The following TACC2 variants were observed in gnomAD, a reference collection of about 807,000 sequenced individuals.
The protein encoded by TACC2 is transforming acidic coiled-coil containing protein 2.
Under a neutral mutation model 227.3 loss-of-function variants are expected in TACC2, and 137 were observed. The ratio of observed to expected loss-of-function variants is 0.60; its 90% CI spans 0.52 to 0.69. The LOEUF (loss-of-function observed/expected upper bound fraction) is 0.69, where lower values mean the gene tolerates loss of function less well. Ranked by LOEUF, TACC2 falls within the 30% of genes least tolerant of loss-of-function variation. The pLI is 0.00. For synonymous variants in TACC2, 1,523 were observed against 1,487.5 expected, an observed-to-expected ratio of 1.02 and a Z score of -0.55; for missense variants, 3,470 against 3,694.4, an observed-to-expected ratio of 0.94 and a Z score of 1.57.
chr10:122,253,339 C>T (rs577423363), intron 22 of TACC2, among the ~76,000 whole-genome samples: 1 of 152,184 alleles, frequency 6.6e-6, no homozygotes, highest in Non-Finnish European at 1.5e-5. Context: ...GAGGGATCGT[C>T]CCGTTGGATC....
chr10:122,143,426 TG>T, intron 6 of TACC2, 145 bp from the exon 7 acceptor site: 1 of 800,228 alleles, frequency 1.2e-6, no homozygotes, highest in Non-Finnish European at 1.8e-6. Context: ...GAGGCCTGGA[TG>T]GGGAAGCCGG....
At chr10:122,061,327 G>C (rs976991153) in intron 3 of TACC2, among the ~76,000 whole-genome samples, 3 of 150,950 alleles carry the variant, frequency 2.0e-5, no homozygotes, top group African/African-American at 7.3e-5. Context: ...AAGAATCGAG[G>C]AAGATTCCTG....
At chr10:122,039,336 T>C (rs1296188855) in intron 2 of TACC2, among the ~76,000 whole-genome samples, 3 of 152,038 alleles carry the variant, frequency 2.0e-5, no homozygotes, top group Admixed American at 6.6e-5. Context: ...AGCCTCCCCT[T>C]GAGAGGGTTG....
Position 122,253,316 on chromosome 10 carries a change from C to T in TACC2, c.8782-675C>T, listed in dbSNP as rs201300096. 2.6e-5 allele frequency among the ~76,000 whole-genome samples: 4 copies of T among 152,240 alleles called. No homozygotes were observed. The East Asian group carries it at 7.7e-4, about 29-fold the overall frequency. On this transcript the variant is annotated intron_variant, in intron 22 of 22. Transcript: ENST00000369005. ...TGTAACCTATCTGAAAGCAAAGCCA[C>T]ACGTCCATGATGGAGGGATCGTCCC...
At chr10:122,036,491 C>A (rs912089506) in intron 2 of TACC2, among the ~76,000 whole-genome samples, 9 of 133,984 alleles carry the variant, frequency 6.7e-5, no homozygotes, top group African/African-American at 2.5e-4. Context: ...CCGTGCCTGG[C>A]AATCCATTCT....
chr10:122,129,130 GA>G (rs2087526550), intron 5 of TACC2, among the ~76,000 whole-genome samples: 1 of 149,744 alleles, frequency 6.7e-6, no homozygotes, highest in South Asian at 2.1e-4. Flanking sequence ...ACCCAGGCTG[GA>G]GTGCAATGGC....
chr10:122,148,519 T>C (rs573377202), intron 7 of TACC2, among the ~76,000 whole-genome samples: 15 of 152,260 alleles, frequency 9.9e-5, no homozygotes, highest in South Asian at 6.2e-4. Flanking sequence ...CTGGGTGTTA[T>C]GCGCAGGCAG....
At chr10:122,111,406 C>T (rs1451780683) in intron 5 of TACC2, among the ~76,000 whole-genome samples, 1 of 152,194 alleles carries the variant, frequency 6.6e-6, no homozygotes, top group Admixed American at 6.5e-5. Context: ...CATCTTAGCT[C>T]GTTGCCCAGT....
At chr10:122,208,141 TAGAA>T (rs2095186351) in intron 8 of TACC2, among the ~76,000 whole-genome samples, 2 of 152,120 alleles carry the variant, frequency 1.3e-5, no homozygotes, top group Non-Finnish European at 2.9e-5. Flanking sequence ...AACCGTTTGG[TAGAA>T]AGAGCTCCGT....
At chr10:122,000,319 C>T (rs1352654788) in intron 1 of TACC2, among the ~76,000 whole-genome samples, 1 of 152,142 alleles carries the variant, frequency 6.6e-6, no homozygotes, top group Non-Finnish European at 1.5e-5. Flanking sequence ...GCAGAGCTTG[C>T]AGTGAGCAGA....
chr10:122,108,290 T>C (rs1325662287), intron 5 of TACC2, among the ~76,000 whole-genome samples: 2 of 152,120 alleles, frequency 1.3e-5, no homozygotes, highest in African/African-American at 2.4e-5. Flanking sequence ...TTACTTCACT[T>C]AGAATAATGG....
At chr10:122,100,526 C>G (rs2137590875) in intron 5 of TACC2, among the ~76,000 whole-genome samples, 1 of 151,496 alleles carries the variant, frequency 6.6e-6, no homozygotes, top group East Asian at 2.0e-4. Flanking sequence ...TGGGTTCAAG[C>G]AGCTCTCCTG....
At chr10:122,088,624 T>C (rs2080353554) in intron 5 of TACC2, 33 bp downstream of exon 5, 2 of 1,600,762 alleles carry the variant, frequency 1.2e-6, no homozygotes, top group Admixed American at 1.7e-5. Flanking sequence ...TGGAAGGCCA[T>C]GATGCCTTCC....
intron 5 of TACC2, among the ~76,000 whole-genome samples, chr10:122,101,402 T>G (rs1421497816): frequency 6.6e-6 from 1 of 152,064 alleles, no homozygotes; most frequent in Non-Finnish European, 1.5e-5. Flanking sequence ...CTGCACATAG[T>G]AGCCCCTCAA....
chr10:122,163,819 C>G (rs924033957), intron 7 of TACC2: 23 of 1,461,392 alleles, frequency 1.6e-5, no homozygotes, highest in Non-Finnish European at 2.0e-5. Flanking sequence ...CTCTGCAGTG[C>G]AGCAACCCCG....
intron 1 of TACC2, 31 bp from the exon 2 acceptor site, chr10:122,021,906 A>G (rs1376056037): frequency 2.2e-6 from 3 of 1,367,272 alleles, no homozygotes; most frequent in Non-Finnish European, 3.1e-6. Context: ...TTTTCATTTC[A>G]CAGACGTTTA....
At chr10:122,188,771 A>G (rs2094306406) in intron 7 of TACC2, among the ~76,000 whole-genome samples, 2 of 152,202 alleles carry the variant, frequency 1.3e-5, no homozygotes, top group African/African-American at 4.8e-5. Context: ...CCCCAGTAAC[A>G]TCACAACATA....
Position 122,210,870 on chromosome 10 carries a change from C to A in TACC2, c.6445C>A (p.Pro2149Thr), listed in dbSNP as rs139868428. The A allele has an allele frequency of 3.5e-5, 57 of 1,613,696 alleles. No homozygotes were observed. Among genetic ancestry groups the A allele is most frequent in the Non-Finnish European group, 4.6e-5 (54 of 1,179,970 alleles). Reference protein sequence around the residue: ...QTTKKPTETPPVKETQQEPDE... With the variant: ...QTTKKPTETPTVKETQQEPDE... ...CACCAAGAAACCCACAGAGACCCCC[C>A]CAGTGAAGGAGACGCAACAGGAGCC... is the stretch of plus-strand genomic sequence containing the variant. Residue 2149 changes from proline (P) to threonine (T), a missense_variant, in exon 9 of 23, where the codon CCA (proline) becomes ACA (threonine). Transcript: ENST00000369005. The surrounding 1 kb of genome is among the most constrained non-coding windows in gnomAD (Gnocchi z 4.6).
chr10:122,221,774 A>G (rs2095528284), intron 11 of TACC2, among the ~76,000 whole-genome samples: 1 of 152,238 alleles, frequency 6.6e-6, no homozygotes, highest in Non-Finnish European at 1.5e-5. Flanking sequence ...TTTAGCCTAC[A>G]AAATATAAGC....
Sources: allele counts gnomAD v4.1 joint callset (sites outside exome capture counted in the v4.1 genomes callset), GRCh38; gene constraint gnomAD v4.1.1; non-coding constraint Gnocchi (gnomAD v3.1); transcripts MANE v1.5; gene names NCBI Gene and HGNC (gene_info 2026-07-23, HGNC 2026-07-21).